KATNIP: variants seen among roughly 807,000 people sequenced by gnomAD.
KATNIP encodes the protein katanin-interacting protein.
KATNIP carries 126 observed loss-of-function variants against 174.0 expected under a neutral mutation model. The ratio of observed to expected loss-of-function variants is 0.72; its 90% CI spans 0.63 to 0.84. The LOEUF (loss-of-function observed/expected upper bound fraction) is 0.84. Among genes scored for constraint, KATNIP ranks in the 40% least tolerant of loss-of-function variants. The probability of loss-of-function intolerance (pLI) is 0.00; values close to 1 mark genes in which losing one functional copy is unlikely to be tolerated. For missense variants in KATNIP, 1,958 were observed against 2,109.7 expected (o/e 0.93, Z 1.41); for synonymous variants, 810 against 835.7 (o/e 0.97, Z 0.53).
chr16:27,593,294 A>G (rs940839127), intron 2 of KATNIP, among the ~76,000 whole-genome samples: 6 of 135,832 alleles, frequency 4.4e-5, no homozygotes, highest in African/African-American at 1.7e-4. Context: ...GCTGGAGCGC[A>G]ATGGCGCAAT....
intron 15 of KATNIP, among the ~76,000 whole-genome samples, chr16:27,741,486 A>G (rs12923139): frequency 0.17 from 26,057 of 152,156 alleles, 2,450 homozygotes; most frequent in African/African-American, 0.24. Flanking sequence ...ATGCATAGCA[A>G]TTGACACTTG....
In KATNIP at chr16:27,778,600, GAGA is replaced by G. The variant is rs1293823887; in HGVS notation, c.4831_4833del (p.Lys1611del). 2.5e-6 allele frequency: 4 copies of G among 1,613,804 alleles called. No individual in the cohort carries two copies. Among genetic ancestry groups the G allele is most frequent in the East Asian group, 2.2e-5 (1 of 44,876 alleles). The stretch of plus-strand genomic sequence containing the variant: ...CTTACGTCCCAAAACCTGCATCAGC[GAGA>G]AGGAGACGAGACGACGGCGCTGCTG... On this transcript the variant is annotated inframe_deletion, in exon 28 of 28. Transcript: ENST00000261588.
intron 6 of KATNIP, among the ~76,000 whole-genome samples, chr16:27,655,274 C>T (rs2077243205): frequency 6.9e-6 from 1 of 144,236 alleles, no homozygotes; most frequent in Non-Finnish European, 1.5e-5. Context: ...TGCTCTGTCT[C>T]CCAGGCTAGA....
intron 2 of KATNIP, among the ~76,000 whole-genome samples, chr16:27,588,571 G>T (rs1156627212): frequency 2.0e-5 from 3 of 151,644 alleles, no homozygotes; most frequent in Non-Finnish European, 2.9e-5. Context: ...AAACTCCTGG[G>T]CTCAAGCAAT....
chr16:27,635,421 G>A (rs2076603750), intron 5 of KATNIP, among the ~76,000 whole-genome samples: 1 of 152,088 alleles, frequency 6.6e-6, no homozygotes, highest in South Asian at 2.1e-4. Context: ...CTCCAGTCTA[G>A]AGCATGGACT....
At chr16:27,584,804 A>T (rs905581708) in intron 2 of KATNIP, among the ~76,000 whole-genome samples, 1 of 152,088 alleles carries the variant, frequency 6.6e-6, no homozygotes, top group South Asian at 2.1e-4. Flanking sequence ...AAAAAAAAAA[A>T]TCATGTTGAC....
intron 2 of KATNIP, among the ~76,000 whole-genome samples, chr16:27,606,365 T>C (rs2075704653): frequency 6.6e-6 from 1 of 152,124 alleles, no homozygotes; most frequent in East Asian, 1.9e-4. Context: ...TAGTCCTCTA[T>C]GAAATGCTTC....
At chr16:27,552,062 C>A (rs960999233) in intron 1 of KATNIP, among the ~76,000 whole-genome samples, 2 of 152,112 alleles carry the variant, frequency 1.3e-5, no homozygotes, top group Admixed American at 1.3e-4. Flanking sequence ...ACAATAAACC[C>A]ATTACTTCTG....
intron 6 of KATNIP, among the ~76,000 whole-genome samples, chr16:27,654,993 G>A (rs1241670829): frequency 1.3e-5 from 2 of 151,458 alleles, no homozygotes; most frequent in East Asian, 3.9e-4. Flanking sequence ...GCAGGGTGTG[G>A]TGGCATGTGC....
At chr16:27,670,528 G>A (rs777809426) in intron 6 of KATNIP, among the ~76,000 whole-genome samples, 2 of 152,162 alleles carry the variant, frequency 1.3e-5, no homozygotes, top group Non-Finnish European at 2.9e-5. Flanking sequence ...TGAGATGGAT[G>A]GTGTGTTACT....
rs562641889 is a variant in KATNIP at position 27,685,910 on chromosome 16, T to C, written c.940+4380T>C. Among the ~76,000 whole-genome samples the C allele has an allele frequency of 8.5e-4, 129 of 152,286 alleles. 1 individual carries two copies. Among genetic ancestry groups the C allele is most frequent in the Non-Finnish European group, 1.7e-3 (119 of 68,026 alleles). On this transcript the variant is annotated intron_variant, in intron 8 of 27. Transcript: ENST00000261588. ...GAGTTACCGTTAGAAATCCCTCAAA[T>C]TGATGATTAAGTGCAGCATGTATTG...
At position 27,661,460 on chromosome 16, in the gene KATNIP, C is replaced by T. The variant is rs564828674; in HGVS notation, c.540+12725C>T. Among the ~76,000 whole-genome samples the T allele has an allele frequency of 9.2e-5, 14 of 151,972 alleles. No homozygotes were observed. The South Asian group carries it at 2.3e-3, about 25-fold the overall frequency. On this transcript the variant is annotated intron_variant, in intron 6 of 27. Transcript: ENST00000261588. ...AGGCTGGAGTGCAATGGCATGGTCT[C>T]GGCTCACTGCAACCTCCGCCTCCCG...
intron 6 of KATNIP, among the ~76,000 whole-genome samples, chr16:27,665,727 A>G (rs1432467796): frequency 6.6e-6 from 1 of 151,576 alleles, no homozygotes; most frequent in African/African-American, 2.4e-5. Context: ...CGGCCTCCCA[A>G]GTAGCTGGGA....
chr16:27,581,383 A>C (rs1421573351), intron 2 of KATNIP, among the ~76,000 whole-genome samples: 2 of 152,214 alleles, frequency 1.3e-5, no homozygotes, highest in Non-Finnish European at 2.9e-5. Flanking sequence ...ATCTTTTAAC[A>C]GTGCATGAAA....
At chr16:27,700,432 G>A (rs571106341) in intron 10 of KATNIP, among the ~76,000 whole-genome samples, 159 of 152,278 alleles carry the variant, frequency 1.0e-3, no homozygotes, top group African/African-American at 3.6e-3. Context: ...TGAGACAGAT[G>A]AGCCCCAGCC....
At chr16:27,764,666 G>A (rs1173005118) in intron 19 of KATNIP, among the ~76,000 whole-genome samples, 1 of 152,228 alleles carries the variant, frequency 6.6e-6, no homozygotes, top group Non-Finnish European at 1.5e-5. Context: ...TCTTGAGAGT[G>A]TCTGTGGAGT....
At chr16:27,595,075 T>C (rs1690322591) in intron 2 of KATNIP, among the ~76,000 whole-genome samples, 1 of 152,002 alleles carries the variant, frequency 6.6e-6, no homozygotes, top group Non-Finnish European at 1.5e-5. Flanking sequence ...AGGATTGGGG[T>C]AAGGCCCAGC....
chr16:27,717,988 C>T (rs1226191491), intron 13 of KATNIP, among the ~76,000 whole-genome samples: 4 of 152,182 alleles, frequency 2.6e-5, no homozygotes, highest in Non-Finnish European at 5.9e-5. Context: ...TATGAGCCAC[C>T]TTCCCTGCCT....
chr16:27,695,851 A>G (rs1198166232), intron 8 of KATNIP, among the ~76,000 whole-genome samples: 1 of 152,146 alleles, frequency 6.6e-6, no homozygotes, highest in Non-Finnish European at 1.5e-5. Context: ...TCCCCGCCCC[A>G]ATGTATCCAT....
Sources: allele counts gnomAD v4.1 joint callset (sites outside exome capture counted in the v4.1 genomes callset), GRCh38; gene constraint gnomAD v4.1.1; transcripts MANE v1.5; gene names NCBI Gene and HGNC (gene_info 2026-07-23, HGNC 2026-07-21).